The following VTI1A variants were observed in gnomAD, a reference collection of about 807,000 sequenced individuals.
VTI1A encodes the protein vesicle transport through interaction with t-SNAREs homolog 1A.
In VTI1A, 22 loss-of-function variants were observed where a neutral mutation model predicts 34.9. The ratio of observed to expected loss-of-function variants is 0.63; its 90% CI spans 0.45 to 0.90. VTI1A has a LOEUF of 0.90. Among genes scored for constraint, VTI1A ranks in the 40% least tolerant of loss-of-function variants. VTI1A has a pLI of 0.00. For missense variants in VTI1A, 268 were observed against 275.6 expected (o/e 0.97, Z 0.20); for synonymous variants, 87 against 97.3 (o/e 0.89, Z 0.62).
intron 3 of VTI1A, among the ~76,000 whole-genome samples, chr10:112,500,464 A>G (rs1466041239): frequency 2.0e-5 from 3 of 152,154 alleles, no homozygotes; most frequent in South Asian, 2.1e-4. Context: ...AAAAGAAAAA[A>G]AAAAGAAAAT....
intron 7 of VTI1A, among the ~76,000 whole-genome samples, chr10:112,741,390 G>C (rs1410920544): frequency 1.3e-5 from 2 of 152,180 alleles, no homozygotes; most frequent in East Asian, 3.9e-4. Context: ...AGGAGGCAGA[G>C]GTTTGCAGTG....
chr10:112,568,522 A>G (rs76266118), intron 5 of VTI1A, among the ~76,000 whole-genome samples: 1 of 152,012 alleles, frequency 6.6e-6, no homozygotes, highest in Non-Finnish European at 1.5e-5. Flanking sequence ...AAAAAAAAAA[A>G]TTGTGATGGA....
chr10:112,506,361 T>C (rs749162517), intron 3 of VTI1A, among the ~76,000 whole-genome samples: 2 of 152,138 alleles, frequency 1.3e-5, no homozygotes, highest in Non-Finnish European at 2.9e-5. Flanking sequence ...CTATAGTATA[T>C]ATAGGGTTTG....
chr10:112,689,004 G>A (rs1374306529), intron 7 of VTI1A, among the ~76,000 whole-genome samples: 2 of 152,120 alleles, frequency 1.3e-5, no homozygotes, highest in East Asian at 3.9e-4. Context: ...TGTCCTTAGA[G>A]CTCCTCAGCC....
intron 7 of VTI1A, among the ~76,000 whole-genome samples, chr10:112,795,284 G>T (rs751180710): frequency 6.6e-6 from 1 of 151,998 alleles, no homozygotes; most frequent in Admixed American, 6.5e-5. Flanking sequence ...CTGGAAAATG[G>T]GAACATTGAC....
chr10:112,811,358 C>T (rs936294115), intron 7 of VTI1A, among the ~76,000 whole-genome samples: 1 of 152,222 alleles, frequency 6.6e-6, no homozygotes, highest in African/African-American at 2.4e-5. Context: ...CTTTTGCTCT[C>T]ATTTCTTTAG....
chr10:112,603,457 T>G (rs1406971534), intron 5 of VTI1A, among the ~76,000 whole-genome samples: 2 of 152,194 alleles, frequency 1.3e-5, no homozygotes, highest in East Asian at 3.8e-4. Context: ...TTATTTAATT[T>G]AATTTTGTTT....
At chr10:112,786,941 C>G (rs1852306909) in intron 7 of VTI1A, among the ~76,000 whole-genome samples, 1 of 152,096 alleles carries the variant, frequency 6.6e-6, no homozygotes, top group African/African-American at 2.4e-5. Flanking sequence ...TTGGCATAGT[C>G]TCTCCATTAT....
intron 4 of VTI1A, among the ~76,000 whole-genome samples, chr10:112,531,061 C>CCACACACACACACACA (rs748909123): frequency 7.6e-4 from 69 of 90,304 alleles, no homozygotes; most frequent in Admixed American, 3.4e-3. Context: ...ACGTGACACA[C>CCACACACACACACACA]CTCACACACA....
At chr10:112,629,727 C>T (rs1846060851) in intron 5 of VTI1A, among the ~76,000 whole-genome samples, 1 of 152,218 alleles carries the variant, frequency 6.6e-6, no homozygotes, top group Non-Finnish European at 1.5e-5. Context: ...TTGAGCTAAG[C>T]TTGCTAAGTT....
intron 7 of VTI1A, among the ~76,000 whole-genome samples, chr10:112,750,136 A>G (rs368613888): frequency 3.9e-5 from 6 of 152,020 alleles, no homozygotes; most frequent in African/African-American, 1.5e-4. Flanking sequence ...GATTAAATCA[A>G]TTATTGTCTT....
At chr10:112,726,551 A>G (rs1279686430) in intron 7 of VTI1A, among the ~76,000 whole-genome samples, 2 of 152,218 alleles carry the variant, frequency 1.3e-5, no homozygotes, top group African/African-American at 4.8e-5. Context: ...CCTAGGAAGC[A>G]TGGGCAGTTG....
chr10:112,723,588 A>G (rs575326922), intron 7 of VTI1A, among the ~76,000 whole-genome samples: 1 of 152,258 alleles, frequency 6.6e-6, no homozygotes, highest in African/African-American at 2.4e-5. Flanking sequence ...GGACAATCTC[A>G]ATTTCAGATG....
At chr10:112,556,507 C>A (rs1203146848) in intron 5 of VTI1A, among the ~76,000 whole-genome samples, 2 of 151,946 alleles carry the variant, frequency 1.3e-5, no homozygotes, top group Non-Finnish European at 2.9e-5. Context: ...ATGGTGGTCT[C>A]ATTCAGTGTA....
intron 7 of VTI1A, among the ~76,000 whole-genome samples, chr10:112,708,182 A>G (rs1032591383): frequency 6.6e-6 from 1 of 152,220 alleles, no homozygotes; most frequent in African/African-American, 2.4e-5. Context: ...AAAGTATGTA[A>G]TTTCACATGC....
intron 3 of VTI1A, among the ~76,000 whole-genome samples, chr10:112,500,927 A>T (rs753796615): frequency 6.6e-6 from 1 of 152,194 alleles, no homozygotes; most frequent in Non-Finnish European, 1.5e-5. Context: ...TTAGCATGTA[A>T]GCCCCAGGTC....
In VTI1A at chr10:112,457,893, A is replaced by C. The variant is rs1476482324; in HGVS notation, c.95-2631A>C. 2.6e-5 allele frequency among the ~76,000 whole-genome samples: 4 copies of C among 152,282 alleles called. No homozygotes were observed. In the East Asian group the frequency reaches 7.7e-4, roughly 29 times the overall value. On this transcript the variant is annotated intron_variant, in intron 1 of 7. Coordinates refer to ENST00000393077, the MANE Select transcript of VTI1A (RefSeq NM_145206.4). ...GAGAAAGTTACAGGACGGGAGGAGC[A>C]AAGTGTAAGAAACCACAAGATTAAA...
At chr10:112,618,524 TAG>T (rs6144094) in intron 5 of VTI1A, among the ~76,000 whole-genome samples, 2 of 34,580 alleles carry the variant, frequency 5.8e-5, no homozygotes, top group East Asian at 2.8e-3. Flanking sequence ...TATATATATA[TAG>T]AGAGAGAGAG....
intron 7 of VTI1A, among the ~76,000 whole-genome samples, chr10:112,717,408 G>A (rs1021709518): frequency 6.6e-6 from 1 of 152,138 alleles, no homozygotes; most frequent in Admixed American, 6.5e-5. Context: ...AAAATCAGGG[G>A]TTGCTTGGCT....
Sources: gnomAD v4.1 joint callset for allele counts (sites outside exome capture counted in the v4.1 genomes callset) on GRCh38, gnomAD v4.1.1 for gene constraint, MANE v1.5 for transcripts, NCBI Gene and HGNC (gene_info 2026-07-23, HGNC 2026-07-21) for gene names.